The following SPTB variants were observed in gnomAD, a reference collection of about 807,000 sequenced individuals.
The protein encoded by SPTB is spectrin beta, erythrocytic, also known as spectrin beta chain, erythrocytic.
SPTB carries 45 observed loss-of-function variants against 256.2 expected under a neutral mutation model. That is an observed-to-expected ratio of 0.18 (90% CI 0.14 to 0.23). SPTB has a LOEUF of 0.23. SPTB is among the 10% of genes least tolerant of loss of function. The pLI, the probability that SPTB is intolerant of heterozygous loss-of-function variation, is 1.00. For synonymous variants in SPTB, 1,231 were observed against 1,243.1 expected, an observed-to-expected ratio of 0.99 and a Z score of 0.21; for missense variants, 2,715 against 3,040.4, an observed-to-expected ratio of 0.89 and a Z score of 2.52.
intron 33 of SPTB, among the ~76,000 whole-genome samples, chr14:64,751,658 A>C (rs1452141966): frequency 1.3e-5 from 2 of 152,172 alleles, no homozygotes; most frequent in East Asian, 3.8e-4. Context: ...ATATTTCTAC[A>C]TCCATCAGTG....
chr14:64,811,550 T>C (rs1331914240), intron 2 of SPTB, among the ~76,000 whole-genome samples: 3 of 152,246 alleles, frequency 2.0e-5, no homozygotes, highest in Non-Finnish European at 4.4e-5. Flanking sequence ...AAAATGTTCA[T>C]GTTTTTCAGA....
Position 64,782,302 on chromosome 14 carries a change from C to T in SPTB, c.4254G>A (p.Leu1418=). 6.2e-7 allele frequency: 1 copy of T among 1,614,216 alleles called. No homozygotes were observed. ...GKDLTSVNRM[L]AKLKRVEDQV... ...CCCACTCACGTGCCTTCAGCTTAGC[C>T]AACATCCGATTGACACTGGTCAGGT... is the stretch of plus-strand genomic sequence containing the variant. The change falls in exon 20 of 36, where the codon TTG becomes TTA. Residue 1418 remains leucine (L), a synonymous_variant. Coordinates refer to ENST00000644917, the MANE Select transcript of SPTB (RefSeq NM_001355436.2).
In SPTB at chr14:64,823,187, C is replaced by A. The variant is rs1566787725; in HGVS notation, c.-51-42G>T. ...CAGTCAGAGGGTTATCTCTCTACCC[C>A]CTCGGACTTTTTCTCCGGGGAAACT... On this transcript the variant is annotated intron_variant, in intron 1 of 35. Coordinates refer to ENST00000644917, the MANE Select transcript of SPTB (RefSeq NM_001355436.2). This position sits in a 1 kb window ranked among gnomAD's most constrained non-coding sequence, Gnocchi z 6.5. 6.6e-7 allele frequency: 1 copy of A among 1,516,600 alleles called. No individual in the cohort carries two copies. The highest frequency in any genetic ancestry group is 2.3e-5 in the East Asian group (1 of 44,346). The allele number at this position is 1,516,600 out of a possible 1,614,324, so 93.9% of individuals were successfully genotyped here.
In SPTB at chr14:64,841,933, G is replaced by A. The variant is rs924299644; in HGVS notation, c.-51-18788C>T. 4.6e-5 allele frequency among the ~76,000 whole-genome samples: 7 copies of A among 152,174 alleles called. No homozygotes were observed. The highest frequency in any genetic ancestry group is 4.1e-4 in the South Asian group (2 of 4,824). Reference sequence around the variant, plus strand: ...CGGCAAATGTTATCTGGAAGCAGCCGGGACAAGAGCACCCCCAGTTCTGAG... The same window carrying A: ...CGGCAAATGTTATCTGGAAGCAGCCAGGACAAGAGCACCCCCAGTTCTGAG... On this transcript the variant is annotated intron_variant, in intron 1 of 35. Transcript: ENST00000644917. This position sits in a 1 kb window ranked among gnomAD's most constrained non-coding sequence, Gnocchi z 4.6.
rs1875055 is a variant in SPTB, at chr14:64,841,757, T to A, written c.-51-18612A>T. Reference sequence around the variant, plus strand: ...TGACATCCCATATATATATATATATTTTTTAAGGGTCTTTCTTTAACACAG... The same window carrying A: ...TGACATCCCATATATATATATATATATTTTAAGGGTCTTTCTTTAACACAG... On this transcript the variant is annotated intron_variant, in intron 1 of 35. Transcript: ENST00000644917. The surrounding 1 kb of genome is among the most constrained non-coding windows in gnomAD (Gnocchi z 4.6). 2.3e-3 allele frequency among the ~76,000 whole-genome samples: 346 copies of A among 151,320 alleles called. 1 individual carries two copies. The highest frequency in any genetic ancestry group is 7.9e-3 in the African/African-American group (324 of 40,922).
At position 64,774,632 on chromosome 14, in the gene SPTB, A is replaced by C. The variant is rs1386927159; in HGVS notation, c.4843-105T>G. On this transcript the variant is annotated intron_variant, in intron 23 of 35. Coordinates refer to ENST00000644917, the MANE Select transcript of SPTB (RefSeq NM_001355436.2). ...GAGGTGCCCGAGGGAGGAGGGGAGT[A>C]GGCTTGTGGGACACCCGCAGGAGAG... 21 of 1,505,996 alleles carry C rather than the reference A, an allele frequency of 1.4e-5. No homozygotes were observed. The South Asian group carries it at 2.4e-4, about 17-fold the overall frequency. 93.3% of individuals were successfully genotyped at this position (1,505,996 alleles called of 1,614,324 possible).
At chr14:64,753,455 C>T (rs1436394357) in intron 33 of SPTB, 82 bp downstream of exon 33, 3 of 1,603,476 alleles carry the variant, frequency 1.9e-6, no homozygotes, top group Admixed American at 3.3e-5. Context: ...AGCACATGCC[C>T]ATGTCACCAA....
At position 64,797,726 on chromosome 14, in the gene SPTB, T is replaced by C. The variant is rs45556435; in HGVS notation, c.1182+3A>G. On this transcript the variant is annotated splice_donor_region_variant and intron_variant, in intron 10 of 35. Coordinates refer to ENST00000644917, the MANE Select transcript of SPTB (RefSeq NM_001355436.2). Reference sequence around the variant, plus strand: ...CAATGCATAACGGAAAATGCTGTGGTACCCTGTTGATGTCAGACACTAGTT... The same window carrying C: ...CAATGCATAACGGAAAATGCTGTGGCACCCTGTTGATGTCAGACACTAGTT... 272 of 1,601,282 alleles carry C rather than the reference T, an allele frequency of 1.7e-4. No homozygotes were observed. Among genetic ancestry groups the C allele is most frequent in the Non-Finnish European group, 2.2e-4 (261 of 1,168,340 alleles).
Position 64,793,812 on chromosome 14 carries a change from C to T in SPTB, c.1851G>A (p.Gln617=). ...VIQDRISHLE[Q]CFEELSNMAA... ...CCATGTTGCTCAGCTCCTCAAAGCA[C>T]TGCTCCAAGTGGCTGATGCGGTCCT... The change falls in exon 14 of 36, where the codon CAG becomes CAA. Residue 617 remains glutamine (Q), a synonymous_variant. Coordinates refer to ENST00000644917, the MANE Select transcript of SPTB (RefSeq NM_001355436.2). This position sits in a 1 kb window ranked among gnomAD's most constrained non-coding sequence, Gnocchi z 7.0. 6.2e-7 allele frequency: 1 copy of T among 1,612,820 alleles called. No homozygotes were observed. Among genetic ancestry groups the T allele is most frequent in the Admixed American group, 1.7e-5 (1 of 60,022 alleles).
At position 64,748,983 on chromosome 14, in the gene SPTB, C is replaced by T. The variant is rs868339479; in HGVS notation, c.*323G>A. The T allele has an allele frequency of 3.3e-5, 8 of 245,050 alleles. No individual in the cohort carries two copies. The highest frequency in any genetic ancestry group is 4.7e-5 in the Non-Finnish European group (6 of 128,534). The allele number at this position is 245,050 out of a possible 1,614,324, so 15.2% of individuals were successfully genotyped here. ...TGGGGGTAAGGGGCCTGTGCCCCCT[C>T]GGCTCAGGAGGAGGGTGGGAGAGGA... On this transcript the variant is annotated 3_prime_UTR_variant, in exon 36 of 36. Coordinates refer to ENST00000644917, the MANE Select transcript of SPTB (RefSeq NM_001355436.2).
chr14:64,799,455 A>C (rs2082838740), intron 9 of SPTB, among the ~76,000 whole-genome samples: 1 of 152,228 alleles, frequency 6.6e-6, no homozygotes, highest in African/African-American at 2.4e-5. Context: ...GGGTTCTTCA[A>C]AGAGACTCAG....
intron 1 of SPTB, among the ~76,000 whole-genome samples, chr14:64,836,200 G>A (rs2083519384): frequency 6.6e-6 from 1 of 152,200 alleles, no homozygotes; most frequent in African/African-American, 2.4e-5. Context: ...AAGGTGGAAG[G>A]AACCAAATGT....
At chr14:64,770,824 GTTGGC>G (rs1345640831) in intron 27 of SPTB, 56 bp downstream of exon 27, 1 of 1,612,132 alleles carries the variant, frequency 6.2e-7, no homozygotes, top group Non-Finnish European at 8.5e-7. Flanking sequence ...CAGCACCCTG[GTTGGC>G]CGGGCTCCTC....
In SPTB at chr14:64,786,164, G is replaced by T. The variant is rs1157042987; in HGVS notation, c.3562-213C>A. ...CAGTGTGCCTAAAGCCACATGGAAG[G>T]CTAACCACCCAGGGCAAAATGCGCT... On this transcript the variant is annotated intron_variant, in intron 16 of 35. Coordinates refer to ENST00000644917, the MANE Select transcript of SPTB (RefSeq NM_001355436.2). The surrounding 1 kb of genome is among the most constrained non-coding windows in gnomAD (Gnocchi z 5.6). 6.6e-6 allele frequency among the ~76,000 whole-genome samples: 1 copy of T among 152,112 alleles called. No homozygotes were observed. The highest frequency in any genetic ancestry group is 1.5e-5 in the Non-Finnish European group (1 of 68,026).
chr14:64,838,623 C>T (rs1229502342), intron 1 of SPTB, among the ~76,000 whole-genome samples: 1 of 151,884 alleles, frequency 6.6e-6, no homozygotes, highest in Non-Finnish European at 1.5e-5. Context: ...AGCAAATAAG[C>T]ACATGAAAGT....
At chr14:64,828,672 C>T (rs1385257910) in intron 1 of SPTB, among the ~76,000 whole-genome samples, 1 of 152,214 alleles carries the variant, frequency 6.6e-6, no homozygotes, top group Non-Finnish European at 1.5e-5. Flanking sequence ...CCTACCTCCT[C>T]TTATCTCTCT....
At position 64,790,038 on chromosome 14, in the gene SPTB, A is replaced by C. The variant is rs2082643642; in HGVS notation, c.2804+1681T>G. 6.6e-6 allele frequency among the ~76,000 whole-genome samples: 1 copy of C among 152,228 alleles called. No homozygotes were observed. On this transcript the variant is annotated intron_variant, in intron 15 of 35. Transcript: ENST00000644917. The surrounding 1 kb of genome is among the most constrained non-coding windows in gnomAD (Gnocchi z 4.8). ...ATCTCTCAAGGGCAGAGCCAGAATC[A>C]ATATGTACGCATTTCAAGGAGGCAG... is the stretch of plus-strand genomic sequence containing the variant.
intron 32 of SPTB, chr14:64,755,295 A>T (rs1319997588): frequency 6.6e-6 from 1 of 152,210 alleles, no homozygotes; most frequent in African/African-American, 2.4e-5. Context: ...AAACTGAAAC[A>T]ACTGGGCAGA....
In SPTB at chr14:64,749,906, C is replaced by G. The variant is rs561908039; in HGVS notation, c.6776+75G>C. 140 of 1,594,612 alleles carry G rather than the reference C, an allele frequency of 8.8e-5. 1 individual carries two copies. The East Asian group carries it at 3.0e-3, about 34-fold the overall frequency. On this transcript the variant is annotated intron_variant, in intron 34 of 35. Transcript: ENST00000644917. This position sits in a 1 kb window ranked among gnomAD's most constrained non-coding sequence, Gnocchi z 4.7. ...GCTCAGGCCTGGCACTGGTCCCCTA[C>G]AGAGGGCCTCTGCCCTGCCACTAAT...
Sources: allele counts gnomAD v4.1 joint callset (sites outside exome capture counted in the v4.1 genomes callset), GRCh38; gene constraint gnomAD v4.1.1; non-coding constraint Gnocchi (gnomAD v3.1); transcripts MANE v1.5; gene names NCBI Gene and HGNC (gene_info 2026-07-23, HGNC 2026-07-21).